THAP6: variants seen among roughly 807,000 people sequenced by gnomAD.
The protein encoded by THAP6 is THAP domain containing 6, also known as THAP domain-containing protein 6.
In THAP6, 13 loss-of-function variants were observed where a neutral mutation model predicts 20.0. The ratio of observed to expected loss-of-function variants is 0.65; its 90% CI spans 0.42 to 1.03. The LOEUF (loss-of-function observed/expected upper bound fraction) is 1.03. Among genes scored for constraint, THAP6 ranks in the 50% least tolerant of loss-of-function variants. The probability of loss-of-function intolerance (pLI) is 0.00; values close to 1 mark genes in which losing one functional copy is unlikely to be tolerated. For missense variants in THAP6, 262 were observed against 261.6 expected, an observed-to-expected ratio of 1.00 and a Z score of -0.01; for synonymous variants, 93 against 92.2, an observed-to-expected ratio of 1.01 and a Z score of -0.05.
At chr4:75,514,385 C>A, upstream of THAP6, 7 of 1,333,742 alleles carry the variant, frequency 5.2e-6, no homozygotes, top group Non-Finnish European at 7.1e-6. Context: ...CCAGCCCCAG[C>A]GGCCACTAGC....
downstream of THAP6, among the ~76,000 whole-genome samples, chr4:75,531,314 C>G (rs971681779): frequency 1.3e-5 from 2 of 152,208 alleles, no homozygotes; most frequent in East Asian, 1.9e-4. Flanking sequence ...TGTCACAGTT[C>G]AGCACTATAA....
chr4:75,531,235 T>C (rs1352435902), downstream of THAP6, among the ~76,000 whole-genome samples: 1 of 152,216 alleles, frequency 6.6e-6, no homozygotes, highest in Non-Finnish European at 1.5e-5. Context: ...AGGGGGGCTG[T>C]ATGACCAGCC....
intron 1 of THAP6, 73 bp downstream of exon 1, chr4:75,514,593 G>C: frequency 3.5e-6 from 1 of 281,874 alleles, no homozygotes. Context: ...TTCGGCGCGA[G>C]GTTGGCGGCA....
Position 75,527,942 on chromosome 4 carries a change from A to C in THAP6, c.*728A>C. 2 of 985,434 alleles carry C rather than the reference A, an allele frequency of 2.0e-6. No homozygotes were observed. Among genetic ancestry groups the C allele is most frequent in the South Asian group, 4.7e-5 (1 of 21,292 alleles). The allele number at this position is 985,434 out of a possible 1,614,324, so 61.0% of individuals were successfully genotyped here. ...GATTTTTAAATGGTTGGTTGCTCTG[A>C]CAGATCTGAACACTTTGCTTCATGA... On this transcript the variant is annotated 3_prime_UTR_variant, in exon 5 of 5. Transcript: ENST00000311638.
intron 4 of THAP6, among the ~76,000 whole-genome samples, chr4:75,523,800 CAAAAAAAAA>C (rs74684663): frequency 1.4e-5 from 1 of 72,746 alleles, no homozygotes; most frequent in African/African-American, 4.1e-5. Flanking sequence ...GAACCTGTCT[CAAAAAAAAA>C]AAAAAAAAAA....
chr4:75,541,910 T>C (rs1444932204), intron 2 of THAP6, among the ~76,000 whole-genome samples: 1 of 151,296 alleles, frequency 6.6e-6, no homozygotes, highest in Non-Finnish European at 1.5e-5. Flanking sequence ...TGAGCCAAGA[T>C]TGCACCACTG....
At position 75,527,549 on chromosome 4, in the gene THAP6, C is replaced by A; in HGVS notation, c.*335C>A. On this transcript the variant is annotated 3_prime_UTR_variant, in exon 5 of 5. Transcript: ENST00000311638. ...CTATAGTAGAAGGAATTGGACACTT[C>A]TCCAGATATTTGGCTTCAAAGGAGT... The A allele has an allele frequency of 9.4e-7, 1 of 1,067,042 alleles. No individual in the cohort carries two copies. Among genetic ancestry groups the A allele is most frequent in the Non-Finnish European group, 1.1e-6 (1 of 880,418 alleles). 66.1% of individuals were successfully genotyped at this position (1,067,042 alleles called of 1,614,324 possible).
rs1431693648 is a variant in THAP6, at chr4:75,527,429, G to T, written c.*215G>T. 2 of 1,358,746 alleles carry T rather than the reference G, an allele frequency of 1.5e-6. No homozygotes were observed. Among genetic ancestry groups the T allele is most frequent in the East Asian group, 5.6e-5 (2 of 35,848 alleles). 84.2% of individuals were successfully genotyped at this position (1,358,746 alleles called of 1,614,324 possible). On this transcript the variant is annotated 3_prime_UTR_variant, in exon 5 of 5. Coordinates refer to ENST00000311638, the MANE Select transcript of THAP6 (RefSeq NM_144721.6). The stretch of plus-strand genomic sequence containing the variant: ...TGTCTTGTGACAATTATGTTTTATA[G>T]ACCTACACTAGTGCCAGGTCACTAT...
upstream of THAP6, chr4:75,514,426 G>A (rs996976972): frequency 1.0e-6 from 1 of 964,016 alleles, no homozygotes; most frequent in South Asian, 2.0e-5. Flanking sequence ...CGTGACCCGG[G>A]GCAGACGGAT....
chr4:75,514,568 A>T, intron 1 of THAP6, 48 bp downstream of exon 1: 1 of 327,138 alleles, frequency 3.1e-6, no homozygotes, highest in African/African-American at 2.1e-5. Flanking sequence ...TACCCGCCCA[A>T]ATCTCAGGGC....
chr4:75,527,025 C>T lies in THAP6; in HGVS notation c.480C>T (p.Gly160=), dbSNP rs767607083. The T allele has an allele frequency of 1.2e-5, 19 of 1,613,850 alleles. No homozygotes were observed. The highest frequency in any genetic ancestry group is 6.7e-5 in the East Asian group (3 of 44,872). ...KLKHKLDHVI[G]ELEDTKESLR... Reference sequence around the variant, plus strand: ...AGCATAAATTAGATCATGTGATCGGCGAGCTAGAGGATACAAAGGAAAGTC... The same window carrying T: ...AGCATAAATTAGATCATGTGATCGGTGAGCTAGAGGATACAAAGGAAAGTC... The change falls in exon 5 of 5, where the codon GGC becomes GGT. Residue 160 remains glycine, a synonymous_variant. Transcript: ENST00000311638.
In THAP6 at chr4:75,527,975, G is replaced by A. The variant is rs893633949; in HGVS notation, c.*761G>A. The A allele has an allele frequency of 3.5e-5, 34 of 985,140 alleles. No homozygotes were observed. The highest frequency in any genetic ancestry group is 8.7e-5 in the African/African-American group (5 of 57,190). The allele number at this position is 985,140 out of a possible 1,614,324, so 61.0% of individuals were successfully genotyped here. A position where few individuals can be genotyped will look rare whatever the true frequency, so the allele number is the denominator to read the frequency against. ...GAACACTTTGCTTCATGACTATTTC[G>A]TCATAAAGGTATATGTTTAAAATCT... On this transcript the variant is annotated 3_prime_UTR_variant, in exon 5 of 5. Coordinates refer to ENST00000311638, the MANE Select transcript of THAP6 (RefSeq NM_144721.6).
Position 75,528,423 on chromosome 4 carries a change from A to C in THAP6, c.*1209A>C. On this transcript the variant is annotated 3_prime_UTR_variant, in exon 5 of 5. Coordinates refer to ENST00000311638, the MANE Select transcript of THAP6 (RefSeq NM_144721.6). ...ACACTCTACTTAGAAGCACATGTAC[A>C]TACATGGACCTCATTCAGAAGTCCA... 3.0e-6 allele frequency: 3 copies of C among 985,342 alleles called. No individual in the cohort carries two copies. The highest frequency in any genetic ancestry group is 3.6e-6 in the Non-Finnish European group (3 of 829,810). The allele number at this position is 985,342 out of a possible 1,614,324, so 61.0% of individuals were successfully genotyped here.
Position 75,528,635 on chromosome 4 carries a change from A to C in THAP6, c.*1421A>C, listed in dbSNP as rs1726523554. 1 of 985,048 alleles carries C rather than the reference A, an allele frequency of 1.0e-6. No individual in the cohort carries two copies. The highest frequency in any genetic ancestry group is 1.2e-6 in the Non-Finnish European group (1 of 829,726). 61.0% of individuals were successfully genotyped at this position (985,048 alleles called of 1,614,324 possible). A position where few individuals can be genotyped will look rare whatever the true frequency, so the allele number is the denominator to read the frequency against. On this transcript the variant is annotated 3_prime_UTR_variant, in exon 5 of 5. Transcript: ENST00000311638. ...AATGCATGTTATACTTTTATGTAGG[A>C]TTCCAAACCTTCCCTCTAAATGGGA...
chr4:75,542,524 C>T, intron 3 of THAP6: 1 of 698,546 alleles, frequency 1.4e-6, no homozygotes, highest in South Asian at 1.5e-5. Flanking sequence ...ACTTTATTAA[C>T]TCATTTAACT....
chr4:75,537,384 CGG>C (rs963902411), intron 2 of THAP6, among the ~76,000 whole-genome samples: 1 of 152,038 alleles, frequency 6.6e-6, no homozygotes, highest in Non-Finnish European at 1.5e-5. Flanking sequence ...ATCATGAGAG[CGG>C]TTTCCCCCAT....
chr4:75,538,842 C>T lies in THAP6; in HGVS notation c.166-3567C>T, dbSNP rs144131449. On this transcript the variant is annotated intron_variant, in intron 2 of 4. Coordinates refer to the THAP6 transcript ENST00000502620. Reference sequence around the variant, plus strand: ...GAGCAGGAGCTGACAGAGATTGAAACGAATGAAGAAAATGTTAGATTAGGA... The same window carrying T: ...GAGCAGGAGCTGACAGAGATTGAAATGAATGAAGAAAATGTTAGATTAGGA... 2.4e-3 allele frequency among the ~76,000 whole-genome samples: 371 copies of T among 152,176 alleles called. 1 individual carries two copies. Among genetic ancestry groups the T allele is most frequent in the African/African-American group, 8.7e-3 (363 of 41,520 alleles).
At chr4:75,538,393 A>T (rs1726923616) in intron 2 of THAP6, among the ~76,000 whole-genome samples, 1 of 152,152 alleles carries the variant, frequency 6.6e-6, no homozygotes, top group South Asian at 2.1e-4. Flanking sequence ...TGAAAAAAAA[A>T]AAAAACAGGA....
chr4:75,518,289 T>G (rs1033262661), intron 3 of THAP6, among the ~76,000 whole-genome samples: 13 of 152,344 alleles, frequency 8.5e-5, no homozygotes, highest in African/African-American at 3.1e-4. Flanking sequence ...AATAAGATTA[T>G]AGGAGCAAAA....
Sources: gnomAD v4.1 joint callset for allele counts (sites outside exome capture counted in the v4.1 genomes callset) on GRCh38, gnomAD v4.1.1 for gene constraint, MANE v1.5 for transcripts, NCBI Gene and HGNC (gene_info 2026-07-23, HGNC 2026-07-21) for gene names.